The following AZI2 variants were observed in gnomAD, a reference collection of about 807,000 sequenced individuals.
AZI2 encodes the protein 5-azacytidine-induced protein 2.
In AZI2, 22 loss-of-function variants were observed where a neutral mutation model predicts 45.8. The observed-to-expected ratio is 0.48, with a 90% CI of 0.34 to 0.69. AZI2 has a LOEUF of 0.69. Among genes scored for constraint, AZI2 ranks in the 30% least tolerant of loss-of-function variants. AZI2 has a pLI of 0.01. For missense variants in AZI2, 417 were observed against 441.5 expected (o/e 0.94, Z 0.50); for synonymous variants, 137 against 156.7 (o/e 0.87, Z 0.94).
At chr3:28,342,406 T>C (rs901512020) in intron 1 of AZI2, among the ~76,000 whole-genome samples, 9 of 152,160 alleles carry the variant, frequency 5.9e-5, no homozygotes, top group Admixed American at 4.6e-4. Context: ...AGAACAAGAA[T>C]AGACTATGCT....
At chr3:28,348,324 A>T (rs1464915266) in intron 1 of AZI2, 1 of 152,196 alleles carries the variant, frequency 6.6e-6, no homozygotes, top group Non-Finnish European at 1.5e-5. Context: ...CCCCAGTAAG[A>T]GTACGAAAAG....
chr3:28,337,948 T>G lies in AZI2; in HGVS notation c.428A>C (p.Glu143Ala), dbSNP rs1301555818. 6.3e-7 allele frequency: 1 copy of G among 1,576,054 alleles called. No individual in the cohort carries two copies. The highest frequency in any genetic ancestry group is 2.3e-5 in the East Asian group (1 of 44,216). Residue 143 changes from glutamate to alanine, a missense_variant, in exon 4 of 8, where the codon GAA becomes GCA. Transcript: ENST00000479665. ...AGTAACTGGCATACCCTGCTGAGTT[T>G]CCACCTCTGTCCTCAGCTGGAGGAG... ...VELLQLRTEV[E>A]TQQVMRNLNP...
chr3:28,347,365 A>C (rs1249546894), intron 1 of AZI2, among the ~76,000 whole-genome samples: 1 of 152,170 alleles, frequency 6.6e-6, no homozygotes, highest in Non-Finnish European at 1.5e-5. Flanking sequence ...AGCATTCAGT[A>C]AATCTATGTA....
intron 1 of AZI2, among the ~76,000 whole-genome samples, chr3:28,342,178 C>G (rs565719112): frequency 6.6e-6 from 1 of 152,120 alleles, no homozygotes; most frequent in Non-Finnish European, 1.5e-5. Flanking sequence ...TTAAAAACTT[C>G]CAATTGTCAA....
At position 28,340,304 on chromosome 3, in the gene AZI2, A is replaced by G; in HGVS notation, c.216+98T>C. The G allele has an allele frequency of 4.9e-6, 4 of 813,444 alleles. No homozygotes were observed. In the South Asian group the frequency reaches 7.5e-5, roughly 15 times the overall value. The allele number at this position is 813,444 out of a possible 1,614,324, so 50.4% of individuals were successfully genotyped here. On this transcript the variant is annotated intron_variant, in intron 2 of 7. Coordinates refer to ENST00000479665, the MANE Select transcript of AZI2 (RefSeq NM_022461.5). ...AGTGAGTTATTCTTGGAAATTTAGT[A>G]CAATCATGGAAGACAGGACAAAAAG...
intron 1 of AZI2, among the ~76,000 whole-genome samples, chr3:28,343,426 T>A (rs1259931663): frequency 6.6e-6 from 1 of 151,940 alleles, no homozygotes; most frequent in Non-Finnish European, 1.5e-5. Flanking sequence ...GGAGACAAAC[T>A]GAGATGGTCC....
intron 3 of AZI2, 85 bp from the exon 4 acceptor site, chr3:28,338,121 A>AAC: frequency 1.4e-6 from 1 of 691,176 alleles, no homozygotes; most frequent in African/African-American, 1.8e-5. Context: ...TACTGAAAAA[A>AAC]ACACATTCTT....
intron 6 of AZI2, among the ~76,000 whole-genome samples, 163 bp downstream of exon 6, chr3:28,332,206 A>C (rs1201861285): frequency 1.3e-5 from 2 of 151,648 alleles, no homozygotes; most frequent in Admixed American, 6.6e-5. Context: ...TTAACAATTA[A>C]ATTTTATTCT....
At chr3:28,328,748 C>A (rs1020218081) in intron 6 of AZI2, among the ~76,000 whole-genome samples, 1 of 151,228 alleles carries the variant, frequency 6.6e-6, no homozygotes, top group Non-Finnish European at 1.5e-5. Context: ...ATAGCTCTCC[C>A]TCTTGTGGAT....
At chr3:28,325,105 T>A in intron 7 of AZI2, 1 of 136,994 alleles carries the variant, frequency 7.3e-6, no homozygotes. Context: ...AATGCTACTG[T>A]GGTCACAATG....
intron 5 of AZI2, among the ~76,000 whole-genome samples, chr3:28,333,699 G>A (rs565474436): frequency 6.6e-6 from 1 of 151,526 alleles, no homozygotes; most frequent in East Asian, 1.9e-4. Flanking sequence ...AGTATTCAAA[G>A]ACCCTTTTGT....
At chr3:28,340,962 T>A (rs956583034) in intron 1 of AZI2, among the ~76,000 whole-genome samples, 1 of 152,032 alleles carries the variant, frequency 6.6e-6, no homozygotes, top group Non-Finnish European at 1.5e-5. Context: ...CAAAATTTTT[T>A]AAAATACTTC....
chr3:28,336,964 T>C (rs1703818008), intron 4 of AZI2, 79 bp from the exon 5 acceptor site: 4 of 1,425,144 alleles, frequency 2.8e-6, no homozygotes, highest in Non-Finnish European at 3.8e-6. Flanking sequence ...GTTATTCTGG[T>C]AAAATGTAGA....
chr3:28,341,218 T>A (rs1704005580), intron 1 of AZI2, among the ~76,000 whole-genome samples: 1 of 152,122 alleles, frequency 6.6e-6, no homozygotes, highest in African/African-American at 2.4e-5. Flanking sequence ...TGTCCCACTA[T>A]AATGCACTAC....
At chr3:28,341,426 A>G (rs534601999) in intron 1 of AZI2, 1 of 152,234 alleles carries the variant, frequency 6.6e-6, no homozygotes, top group African/African-American at 2.4e-5. Context: ...AAGTTGCTCA[A>G]TAAATATTGA....
chr3:28,340,458 C>A lies in AZI2; in HGVS notation c.160G>T (p.Asp54Tyr). ...AACAAAGAGTTCTCTTTCTCTGAAT[C>A]CTTAAGTCGTTTTTTGATGTCTTCA... is the stretch of plus-strand genomic sequence containing the variant. Reference protein sequence around the residue: ...AYEDIKKRLKDSEKENSLLKK... With the variant: ...AYEDIKKRLKYSEKENSLLKK... Residue 54 changes from aspartate (D) to tyrosine (Y), a missense_variant, in exon 2 of 8, where the codon GAT becomes TAT. Asp to Tyr is a radical substitution (Grantham distance 160). Coordinates refer to ENST00000479665, the MANE Select transcript of AZI2 (RefSeq NM_022461.5). 7 of 1,612,434 alleles carry A rather than the reference C, an allele frequency of 4.3e-6. No individual in the cohort carries two copies. Among genetic ancestry groups the A allele is most frequent in the Non-Finnish European group, 5.9e-6 (7 of 1,178,912 alleles).
chr3:28,332,542 C>A, intron 5 of AZI2, 115 bp from the exon 6 acceptor site: 1 of 719,324 alleles, frequency 1.4e-6, no homozygotes, highest in Admixed American at 2.6e-5. Flanking sequence ...TCTGTAAGTG[C>A]AAAGAATACA....
chr3:28,335,504 T>C (rs1425430400), intron 5 of AZI2, among the ~76,000 whole-genome samples: 1 of 151,914 alleles, frequency 6.6e-6, no homozygotes, highest in Non-Finnish European at 1.5e-5. Flanking sequence ...AAAAACCACT[T>C]TGACTCTAAC....
chr3:28,336,611 G>T, intron 5 of AZI2, 126 bp downstream of exon 5: 1 of 1,069,794 alleles, frequency 9.3e-7, no homozygotes, highest in Non-Finnish European at 1.3e-6. Context: ...ATTTTTTAAG[G>T]AATAGAACAT....
Sources: gnomAD v4.1 joint callset for allele counts (sites outside exome capture counted in the v4.1 genomes callset) on GRCh38, gnomAD v4.1.1 for gene constraint, MANE v1.5 for transcripts, NCBI Gene and HGNC (gene_info 2026-07-23, HGNC 2026-07-21) for gene names.